The following TAB2 variants were observed in gnomAD, a reference collection of about 807,000 sequenced individuals.
The protein encoded by TAB2 is TGF-beta-activated kinase 1 and MAP3K7-binding protein 2.
Under a neutral mutation model 65.0 loss-of-function variants are expected in TAB2, and 3 were observed. That is an observed-to-expected ratio of 0.05 (90% confidence interval 0.02 to 0.12). The LOEUF is 0.12. TAB2 is among the 10% of genes least tolerant of loss of function. The pLI is 1.00. For synonymous variants in TAB2, 298 were observed against 285.1 expected, an observed-to-expected ratio of 1.05 and a Z score of -0.46; for missense variants, 623 against 840.3, an observed-to-expected ratio of 0.74 and a Z score of 3.20.
intron 1 of TAB2, chr6:149,255,114 A>G (rs980859266): frequency 3.3e-5 from 5 of 152,252 alleles, no homozygotes; most frequent in East Asian, 3.8e-4. Flanking sequence ...CTAACCCCCA[A>G]TGTAATGGTA....
At chr6:149,325,413 A>G (rs1779570470) in intron 1 of TAB2, among the ~76,000 whole-genome samples, 1 of 152,236 alleles carries the variant, frequency 6.6e-6, no homozygotes, top group Admixed American at 6.5e-5. Flanking sequence ...TCCTCAACAA[A>G]TAGAATGAAA....
intron 1 of TAB2, among the ~76,000 whole-genome samples, chr6:149,359,385 C>A (rs1210144885): frequency 6.6e-6 from 1 of 152,070 alleles, no homozygotes; most frequent in East Asian, 1.9e-4. Context: ...AATTTGGATT[C>A]CACACCTGTG....
chr6:149,336,293 G>C (rs188193948), intron 1 of TAB2, among the ~76,000 whole-genome samples: 7 of 152,236 alleles, frequency 4.6e-5, no homozygotes, highest in Admixed American at 1.3e-4. Flanking sequence ...GAGTATCTAG[G>C]TTCTGATAGA....
chr6:149,335,274 G>A (rs1028381770), intron 1 of TAB2, among the ~76,000 whole-genome samples: 1 of 151,194 alleles, frequency 6.6e-6, no homozygotes, highest in African/African-American at 2.4e-5. Flanking sequence ...TCACCTCCAG[G>A]AAATTGGTAG....
intron 1 of TAB2, among the ~76,000 whole-genome samples, chr6:149,291,880 C>G (rs1011316142): frequency 1.4e-4 from 22 of 151,976 alleles, no homozygotes; most frequent in African/African-American, 5.3e-4. Flanking sequence ...AAAAAACAAA[C>G]AAAAGAAACT....
intron 1 of TAB2, among the ~76,000 whole-genome samples, chr6:149,336,479 A>G (rs1423257819): frequency 1.3e-5 from 2 of 152,146 alleles, no homozygotes; most frequent in Admixed American, 6.5e-5. Context: ...GCAGTGTTCT[A>G]TGTGTAAGCA....
chr6:149,220,322 T>A (rs924873480), intron 1 of TAB2, among the ~76,000 whole-genome samples: 9 of 152,330 alleles, frequency 5.9e-5, no homozygotes, highest in Admixed American at 1.3e-4. Flanking sequence ...GTAGTTTTTT[T>A]AAAAAGATTA....
At chr6:149,275,421 G>C (rs2114680493) in intron 1 of TAB2, among the ~76,000 whole-genome samples, 1 of 152,208 alleles carries the variant, frequency 6.6e-6, no homozygotes, top group African/African-American at 2.4e-5. Context: ...AATAAATAAA[G>C]TAGTTGAATG....
At chr6:149,261,429 G>T (rs1350923036) in intron 1 of TAB2, among the ~76,000 whole-genome samples, 1 of 152,132 alleles carries the variant, frequency 6.6e-6, no homozygotes, top group Admixed American at 6.5e-5. Context: ...AAGACAAAAA[G>T]AACTATTTTA....
At chr6:149,370,908 A>C (rs1040663068) in intron 2 of TAB2, among the ~76,000 whole-genome samples, 4 of 151,926 alleles carry the variant, frequency 2.6e-5, no homozygotes, top group African/African-American at 9.7e-5. Context: ...TCTACTGAAA[A>C]TACCAAAATT....
chr6:149,402,860 A>G (rs1217759560), intron 6 of TAB2, among the ~76,000 whole-genome samples: 1 of 152,196 alleles, frequency 6.6e-6, no homozygotes, highest in Non-Finnish European at 1.5e-5. Flanking sequence ...ACACACATTG[A>G]AGTAAAATGA....
At chr6:149,392,297 C>T (rs1044698439) in intron 3 of TAB2, among the ~76,000 whole-genome samples, 2 of 152,042 alleles carry the variant, frequency 1.3e-5, no homozygotes, top group African/African-American at 4.8e-5. Context: ...CGCGCCACTA[C>T]CACCTGGCTG....
intron 1 of TAB2, among the ~76,000 whole-genome samples, chr6:149,252,723 C>T (rs920902691): frequency 6.6e-6 from 1 of 152,116 alleles, no homozygotes; most frequent in Non-Finnish European, 1.5e-5. Flanking sequence ...CTGCTCACAC[C>T]CTTTGCCATG....
intron 1 of TAB2, among the ~76,000 whole-genome samples, chr6:149,296,535 T>C (rs571816200): frequency 6.6e-6 from 1 of 152,348 alleles, no homozygotes; most frequent in Admixed American, 6.5e-5. Flanking sequence ...TAAAATGTTA[T>C]ATCCAGCCTT....
chr6:149,403,319 C>CAT (rs1562456541), intron 6 of TAB2, among the ~76,000 whole-genome samples: 28 of 87,414 alleles, frequency 3.2e-4, no homozygotes, highest in African/African-American at 1.2e-3. Context: ...TATATACACA[C>CAT]ACATATATAT....
chr6:149,302,843 G>A (rs975695754), intron 1 of TAB2, among the ~76,000 whole-genome samples: 2 of 152,228 alleles, frequency 1.3e-5, no homozygotes, highest in Admixed American at 1.3e-4. Flanking sequence ...TACTGGTCTG[G>A]AGGCTGTTAG....
At chr6:149,286,089 T>C (rs2114690118) in intron 1 of TAB2, among the ~76,000 whole-genome samples, 1 of 151,724 alleles carries the variant, frequency 6.6e-6, no homozygotes, top group South Asian at 2.1e-4. Flanking sequence ...AAAAATGAGG[T>C]ATACACTACC....
intron 1 of TAB2, among the ~76,000 whole-genome samples, chr6:149,337,180 G>A (rs889858013): frequency 6.6e-6 from 1 of 152,104 alleles, no homozygotes; most frequent in Non-Finnish European, 1.5e-5. Flanking sequence ...AGAAGCATAT[G>A]TATGAATATA....
chr6:149,376,288 T>C (rs140534218), intron 2 of TAB2, among the ~76,000 whole-genome samples: 1 of 152,386 alleles, frequency 6.6e-6, no homozygotes, highest in East Asian at 1.9e-4. Context: ...TTTGTGTCTT[T>C]ACTTCTCTGT....
Sources: allele counts gnomAD v4.1 joint callset (sites outside exome capture counted in the v4.1 genomes callset), GRCh38; gene constraint gnomAD v4.1.1; transcripts MANE v1.5; gene names NCBI Gene and HGNC (gene_info 2026-07-23, HGNC 2026-07-21).